TAOK3: variants seen among roughly 807,000 people sequenced by gnomAD.
TAOK3 encodes serine/threonine-protein kinase TAO3.
Under a neutral mutation model 120.4 loss-of-function variants are expected in TAOK3, and 40 were observed. The observed-to-expected ratio is 0.33, with a 90% CI of 0.26 to 0.43. TAOK3 has a LOEUF of 0.43. Among genes scored for constraint, TAOK3 ranks in the 20% least tolerant of loss-of-function variants. The pLI is 1.00. For synonymous variants in TAOK3, 355 were observed against 387.5 expected, an observed-to-expected ratio of 0.92 and a Z score of 0.99; for missense variants, 821 against 1,112.1, an observed-to-expected ratio of 0.74 and a Z score of 3.72.
intron 1 of TAOK3, among the ~76,000 whole-genome samples, chr12:118,338,841 G>GCCCTGTCT (rs2044480754): frequency 6.9e-6 from 1 of 144,930 alleles, no homozygotes; most frequent in Non-Finnish European, 1.5e-5. Flanking sequence ...TGAATAACTA[G>GCCCTGTCT]CCCTGTCTGA....
At chr12:118,176,457 A>G (rs1039695533) in intron 16 of TAOK3, among the ~76,000 whole-genome samples, 1 of 152,222 alleles carries the variant, frequency 6.6e-6, no homozygotes, top group Non-Finnish European at 1.5e-5. Flanking sequence ...ATGGATTTCA[A>G]AACTATGCAG....
intron 9 of TAOK3, among the ~76,000 whole-genome samples, chr12:118,215,540 C>T (rs1418749204): frequency 2.0e-5 from 3 of 151,548 alleles, no homozygotes; most frequent in Non-Finnish European, 4.4e-5. Flanking sequence ...ACAAAAATCA[C>T]TAACAGAGCA....
chr12:118,173,434 G>A (rs908223141), intron 16 of TAOK3, among the ~76,000 whole-genome samples: 2 of 152,182 alleles, frequency 1.3e-5, no homozygotes, highest in Non-Finnish European at 2.9e-5. Context: ...GGCTGCCATG[G>A]GGAGAACAGA....
chr12:118,305,859 C>T (rs1308782293), intron 1 of TAOK3, among the ~76,000 whole-genome samples: 3 of 144,904 alleles, frequency 2.1e-5, no homozygotes, highest in Non-Finnish European at 4.5e-5. Flanking sequence ...GCTGAGATCA[C>T]GCCACTGCAC....
At chr12:118,199,585 C>A (rs2037920466) in intron 12 of TAOK3, 1 of 338,090 alleles carries the variant, frequency 3.0e-6, no homozygotes, top group Non-Finnish European at 5.7e-6. Flanking sequence ...TTGTAAGGGA[C>A]CTTCTGGAAC....
At chr12:118,181,654 G>T in intron 14 of TAOK3, 47 bp from the exon 15 acceptor site, 2 of 1,549,694 alleles carry the variant, frequency 1.3e-6, no homozygotes, top group Admixed American at 1.7e-5. Context: ...GTTCATGGGA[G>T]ACAAGCTTTC....
chr12:118,304,790 G>A (rs2042991372), intron 1 of TAOK3, among the ~76,000 whole-genome samples: 1 of 152,172 alleles, frequency 6.6e-6, no homozygotes, highest in African/African-American at 2.4e-5. Flanking sequence ...TGCTTATAGG[G>A]ATGCCAATAA....
At chr12:118,338,020 T>C (rs1442817732) in intron 1 of TAOK3, among the ~76,000 whole-genome samples, 2 of 152,242 alleles carry the variant, frequency 1.3e-5, no homozygotes, top group Non-Finnish European at 2.9e-5. Context: ...ACACCCGACC[T>C]CTCAGTATTA....
chr12:118,159,136 T>C (rs1420245026), intron 19 of TAOK3, among the ~76,000 whole-genome samples: 1 of 152,148 alleles, frequency 6.6e-6, no homozygotes, highest in Non-Finnish European at 1.5e-5. Context: ...TCTGTCTCCA[T>C]ATATTTTCCT....
chr12:118,155,009 T>A (rs1170779854), intron 19 of TAOK3, among the ~76,000 whole-genome samples: 6 of 151,218 alleles, frequency 4.0e-5, no homozygotes, highest in Non-Finnish European at 7.4e-5. Flanking sequence ...ATATATATTT[T>A]TTTTTGAGAT....
chr12:118,173,450 G>A (rs556150692), intron 16 of TAOK3, among the ~76,000 whole-genome samples: 1 of 152,304 alleles, frequency 6.6e-6, no homozygotes, highest in South Asian at 2.1e-4. Flanking sequence ...ACAGAATGAA[G>A]GAGGCAAGAA....
At chr12:118,182,623 A>ATATATATATATATATATATAT (rs371125415) in intron 14 of TAOK3, among the ~76,000 whole-genome samples, 12 of 92,382 alleles carry the variant, frequency 1.3e-4, no homozygotes, top group Admixed American at 6.2e-4. Flanking sequence ...ATATATATAT[A>ATATATATATATATATATATAT]TTTTTTTTTT....
At chr12:118,206,602 T>A (rs1168349445) in intron 11 of TAOK3, among the ~76,000 whole-genome samples, 1 of 152,058 alleles carries the variant, frequency 6.6e-6, no homozygotes, top group Non-Finnish European at 1.5e-5. Context: ...TGTTTTTTTT[T>A]ATTTTTATTT....
chr12:118,328,902 A>G (rs2044036908), intron 1 of TAOK3, among the ~76,000 whole-genome samples: 1 of 152,262 alleles, frequency 6.6e-6, no homozygotes, highest in Admixed American at 6.5e-5. Flanking sequence ...AATTCTATTC[A>G]TTCATTCGGC....
At chr12:118,293,596 C>G (rs915662706) in intron 1 of TAOK3, among the ~76,000 whole-genome samples, 4 of 151,566 alleles carry the variant, frequency 2.6e-5, no homozygotes, top group Admixed American at 1.3e-4. Context: ...ATCCCTTGAA[C>G]CCGGGAGGCA....
intron 1 of TAOK3, among the ~76,000 whole-genome samples, chr12:118,277,558 T>G (rs1466719592): frequency 6.6e-6 from 1 of 151,910 alleles, no homozygotes; most frequent in Non-Finnish European, 1.5e-5. Flanking sequence ...CCTCCTGGGT[T>G]CAAGCAATTC....
At chr12:118,195,884 A>G (rs2037694791) in intron 13 of TAOK3, among the ~76,000 whole-genome samples, 1 of 152,026 alleles carries the variant, frequency 6.6e-6, no homozygotes, top group Admixed American at 6.6e-5. Context: ...CCCTGTCTCT[A>G]CTAAAAATAC....
intron 13 of TAOK3, among the ~76,000 whole-genome samples, chr12:118,191,861 T>C (rs867149818): frequency 1.3e-5 from 2 of 152,210 alleles, no homozygotes. Context: ...AAAAGAGATA[T>C]GCTAGGTAGA....
Position 118,199,172 on chromosome 12 carries a change from C to T in TAOK3, c.1073G>A (p.Gly358Asp). The change falls in exon 13 of 21, where the codon GGC (glycine) becomes GAC (aspartate). Residue 358 changes from glycine (G) to aspartate (D), a missense_variant. By Grantham distance (94) the Gly-to-Asp change is moderately conservative. Around this residue, in one of 2 missense-constraint regions of TAOK3, gnomAD observed 467 missense variants for 540.0 expected, o/e 0.86. Coordinates refer to ENST00000392533, the MANE Select transcript of TAOK3 (RefSeq NM_016281.4). ...HSIPSMSVST[G>D]SQSSSVNSMQ... The stretch of plus-strand genomic sequence containing the variant: ...GCTGTTCACACTGCTGCTCTGGCTG[C>T]CTGTGCTCACGGACATGCTTGGAAT... 1.2e-6 allele frequency: 2 copies of T among 1,614,148 alleles called. No individual in the cohort carries two copies. Among genetic ancestry groups the T allele is most frequent in the Admixed American group, 3.3e-5 (2 of 60,020 alleles).
Sources: gnomAD v4.1 joint callset for allele counts (sites outside exome capture counted in the v4.1 genomes callset) on GRCh38, gnomAD v4.1.1 for gene constraint, gnomAD v4.1.1 regional missense constraint, MANE v1.5 for transcripts, NCBI Gene and HGNC (gene_info 2026-07-23, HGNC 2026-07-21) for gene names.